THADA: variants seen among roughly 807,000 people sequenced by gnomAD.
THADA encodes tRNA (32-2'-O)-methyltransferase regulator THADA.
Under a neutral mutation model 219.8 loss-of-function variants are expected in THADA, and 213 were observed. The observed-to-expected ratio is 0.97, with a 90% CI of 0.87 to 1.09. The LOEUF (loss-of-function observed/expected upper bound fraction) is 1.09, where lower values mean the gene tolerates loss of function less well. Ranked by LOEUF, THADA falls within the 50% of genes least tolerant of loss-of-function variation. The pLI is 0.00. For synonymous variants in THADA, 1,018 were observed against 828.9 expected (o/e 1.23, Z -3.92); for missense variants, 2,956 against 2,311.3 (o/e 1.28, Z -5.72).
At chr2:43,432,413 G>C (rs945058358) in intron 26 of THADA, among the ~76,000 whole-genome samples, 4 of 149,880 alleles carry the variant, frequency 2.7e-5, no homozygotes, top group African/African-American at 9.8e-5. Flanking sequence ...ATATGAATCT[G>C]TAAGTTTGTT....
chr2:43,398,888 A>C (rs1304478629), intron 28 of THADA, among the ~76,000 whole-genome samples: 2 of 152,194 alleles, frequency 1.3e-5, no homozygotes, highest in Non-Finnish European at 2.9e-5. Flanking sequence ...TGGACCTTCA[A>C]ATCACCAAAT....
chr2:43,325,298 G>GTT (rs370573851), intron 30 of THADA, among the ~76,000 whole-genome samples: 40 of 147,086 alleles, frequency 2.7e-4, no homozygotes, highest in Admixed American at 1.1e-3. Flanking sequence ...GTGGCTGCAG[G>GTT]TTTTTTTTTT....
intron 24 of THADA, among the ~76,000 whole-genome samples, 172 bp downstream of exon 24, chr2:43,505,450 C>T (rs1229059131): frequency 6.6e-6 from 1 of 151,994 alleles, no homozygotes; most frequent in Non-Finnish European, 1.5e-5. Context: ...CAACTGCAGG[C>T]GGCTGAGGCA....
intron 15 of THADA, among the ~76,000 whole-genome samples, chr2:43,560,890 G>A (rs886329559): frequency 3.3e-5 from 5 of 151,792 alleles, no homozygotes; most frequent in Non-Finnish European, 7.4e-5. Flanking sequence ...AGTGGCACAC[G>A]ACTGTAATCC....
At chr2:43,361,194 A>G (rs957395730) in intron 29 of THADA, among the ~76,000 whole-genome samples, 10 of 152,182 alleles carry the variant, frequency 6.6e-5, no homozygotes, top group African/African-American at 2.2e-4. Flanking sequence ...CTGGCCTACT[A>G]TCATATCACG....
chr2:43,586,637 G>T, intron 6 of THADA, 65 bp downstream of exon 6: 1 of 1,528,546 alleles, frequency 6.5e-7, no homozygotes, highest in Admixed American at 2.0e-5. Context: ...ACTTAAAAGA[G>T]CCAGTTCCAA....
At chr2:43,522,589 G>A (rs552663350) in intron 22 of THADA, among the ~76,000 whole-genome samples, 1 of 152,122 alleles carries the variant, frequency 6.6e-6, no homozygotes, top group Non-Finnish European at 1.5e-5. Flanking sequence ...CTGGCATAGA[G>A]GTTACTCACT....
rs772335594 is a variant in THADA, at chr2:43,232,848, A to G, written c.5331T>C (p.Ala1777=). 3 of 1,611,716 alleles carry G rather than the reference A, an allele frequency of 1.9e-6. No individual in the cohort carries two copies. In the African/African-American group the frequency reaches 4.0e-5, roughly 22 times the overall value. The part of the protein sequence containing the change: ...FAFCQVDASI[A]LALALAVLCD... ...ACAGGACGGCCAGGGCCAGGGCCAG[A>G]GCGATGGAGGCATCCACCTGGCAGA... Residue 1777 remains alanine (A), a synonymous_variant, in exon 37 of 38, where the codon GCT becomes GCC. Coordinates refer to ENST00000405975, the MANE Select transcript of THADA (RefSeq NM_022065.5).
chr2:43,543,172 A>T (rs1322570625), intron 20 of THADA, among the ~76,000 whole-genome samples: 1 of 148,320 alleles, frequency 6.7e-6, no homozygotes, highest in South Asian at 2.2e-4. Context: ...ATGATTTCCA[A>T]TTTCATCCAT....
intron 26 of THADA, among the ~76,000 whole-genome samples, chr2:43,483,220 A>G (rs776781113): frequency 2.6e-5 from 4 of 152,190 alleles, no homozygotes; most frequent in African/African-American, 9.6e-5. Flanking sequence ...AGATATCATT[A>G]TTACTAGCCT....
intron 29 of THADA, among the ~76,000 whole-genome samples, chr2:43,376,942 G>A (rs1031654846): frequency 6.6e-6 from 1 of 152,156 alleles, no homozygotes; most frequent in South Asian, 2.1e-4. Flanking sequence ...GTAAGGCACG[G>A]TCCTCAGCCT....
chr2:43,375,708 A>G (rs572577224), intron 29 of THADA, among the ~76,000 whole-genome samples: 54 of 152,320 alleles, frequency 3.5e-4, no homozygotes, highest in African/African-American at 1.3e-3. Context: ...GGCCAAAAGA[A>G]TATAACGCTG....
chr2:43,329,522 TTATTA>T (rs1679718223), intron 30 of THADA, among the ~76,000 whole-genome samples: 1 of 152,220 alleles, frequency 6.6e-6, no homozygotes, highest in African/African-American at 2.4e-5. Flanking sequence ...TATCAACATC[TTATTA>T]TATTAAAAGT....
chr2:43,292,085 G>T lies in THADA; in HGVS notation c.4937+19C>A. The stretch of plus-strand genomic sequence containing the variant: ...CCATACATCTTACCAAGGTTGCACA[G>T]GAGGTTTTGGGGGCAAACCTTTCAT... On this transcript the variant is annotated intron_variant, in intron 33 of 37. Transcript: ENST00000405975. The T allele has an allele frequency of 6.5e-7, 1 of 1,532,508 alleles. No homozygotes were observed. Among genetic ancestry groups the T allele is most frequent in the Non-Finnish European group, 8.9e-7 (1 of 1,121,210 alleles). The allele number at this position is 1,532,508 out of a possible 1,614,324, so 94.9% of individuals were successfully genotyped here.
chr2:43,274,743 C>G (rs1239676005), intron 36 of THADA, among the ~76,000 whole-genome samples: 1 of 151,906 alleles, frequency 6.6e-6, no homozygotes, highest in Non-Finnish European at 1.5e-5. Context: ...GAGAGAGGGA[C>G]CAGAACTACT....
At position 43,231,255 on chromosome 2, in the gene THADA, A is replaced by G. The variant is rs371924063; in HGVS notation, c.5555T>C (p.Phe1852Ser). ...IFVKYLCKHLFCLLSKSGWRP... is the reference protein window; with the variant it reads ...IFVKYLCKHLSCLLSKSGWRP... ...CCAGCCGGACTTTGAGAGGAGACAG[A>G]AGAGGTGCTTGCAGAGGTATTTCAC... Residue 1852 changes from phenylalanine to serine, a missense_variant, in exon 38 of 38, where the codon TTC becomes TCC. Transcript: ENST00000405975. 2.0e-4 allele frequency: 327 copies of G among 1,612,580 alleles called. 1 individual carries two copies. The highest frequency in any genetic ancestry group is 2.6e-4 in the Non-Finnish European group (305 of 1,179,498).
In THADA at chr2:43,507,234, G is replaced by T. The variant is rs769802617; in HGVS notation, c.3507+1414C>A. Among the ~76,000 whole-genome samples, 148 of 152,124 alleles carry T rather than the reference G, an allele frequency of 9.7e-4. 2 individuals are homozygous for T. The highest frequency in any genetic ancestry group is 1.9e-4 in the Non-Finnish European group (13 of 68,016). On this transcript the variant is annotated intron_variant, in intron 23 of 37. Transcript: ENST00000405975. ...ACTAAAATGACTTCAGGGAACCACGGCTTTTTTCTCCCAAAGAGCTAGGTA... is the reference window on the plus strand; with the variant it reads ...ACTAAAATGACTTCAGGGAACCACGTCTTTTTTCTCCCAAAGAGCTAGGTA...
intron 26 of THADA, among the ~76,000 whole-genome samples, chr2:43,461,014 C>T (rs1573763442): frequency 6.6e-6 from 1 of 152,284 alleles, no homozygotes; most frequent in Non-Finnish European, 1.5e-5. Flanking sequence ...ACTGTTGAGG[C>T]AGAGGTGTAT....
At chr2:43,486,783 A>T (rs1686969997) in intron 25 of THADA, 2 of 152,166 alleles carry the variant, frequency 1.3e-5, no homozygotes, top group Non-Finnish European at 2.9e-5. Context: ...TTTCAAGAGA[A>T]GCCAGGAACC....
Sources: gnomAD v4.1 joint callset for allele counts (sites outside exome capture counted in the v4.1 genomes callset) on GRCh38, gnomAD v4.1.1 for gene constraint, MANE v1.5 for transcripts, NCBI Gene and HGNC (gene_info 2026-07-23, HGNC 2026-07-21) for gene names.